ZNF177: variants seen among roughly 807,000 people sequenced by gnomAD.
The protein encoded by ZNF177 is zinc finger protein 177.
In ZNF177, 17 loss-of-function variants were observed where a neutral mutation model predicts 19.4. The ratio of observed to expected loss-of-function variants is 0.87; its 90% confidence interval spans 0.60 to 1.31. The LOEUF (loss-of-function observed/expected upper bound fraction) is 1.31. ZNF177 is among the 40% of genes most tolerant of loss of function. The pLI is 0.00. For synonymous variants in ZNF177, 220 were observed against 188.7 expected (o/e 1.17, Z -1.36); for missense variants, 633 against 561.8 (o/e 1.13, Z -1.28).
At chr19:9,365,451 G>C (rs2067965031) in intron 2 of ZNF177, among the ~76,000 whole-genome samples, 1 of 151,908 alleles carries the variant, frequency 6.6e-6, no homozygotes. Context: ...AGAAGGGCTA[G>C]AGATATGGAG....
At chr19:9,366,006 C>T (rs1403315046) in intron 2 of ZNF177, among the ~76,000 whole-genome samples, 3 of 152,112 alleles carry the variant, frequency 2.0e-5, no homozygotes, top group Non-Finnish European at 4.4e-5. Context: ...AGTCACAGCA[C>T]CAAATCTACC....
At chr19:9,365,880 G>C (rs1024810906) in intron 2 of ZNF177, among the ~76,000 whole-genome samples, 3 of 152,302 alleles carry the variant, frequency 2.0e-5, no homozygotes, top group African/African-American at 7.2e-5. Context: ...TTTAAAATTG[G>C]ATTGATGTTC....
In ZNF177 at chr19:9,379,268, A is replaced by G. The variant is rs577781610; in HGVS notation, c.160+180A>G. ...AAAATGCACTGATTTCATTTTCTCT[A>G]TCACTAATAGCTTAAGGTAATTTGC... On this transcript the variant is annotated intron_variant, in intron 3 of 5. Coordinates refer to ENST00000589262, the Ensembl canonical transcript of ZNF177. 79 of 1,183,722 alleles carry G rather than the reference A, an allele frequency of 6.7e-5. No homozygotes were observed. In the African/African-American group the frequency reaches 9.4e-4, roughly 14 times the overall value. The allele number at this position is 1,183,722 out of a possible 1,614,324, so 73.3% of individuals were successfully genotyped here. A position where few individuals can be genotyped will look rare whatever the true frequency, so the allele number is the denominator to read the frequency against.
chr19:9,376,173 C>T (rs2068106965), upstream of ZNF177: 1 of 152,180 alleles, frequency 6.6e-6, no homozygotes, highest in Admixed American at 6.5e-5. Flanking sequence ...GGGTCTCTGT[C>T]ACCCAGGCTG....
chr19:9,380,965 T>TC lies in ZNF177; in HGVS notation c.636dup (p.Phe213LeufsTer11). On this transcript the variant is annotated frameshift_variant, in exon 6 of 6. Coordinates refer to ENST00000589262, the Ensembl canonical transcript of ZNF177. LOFTEE classifies it low-confidence loss of function (END_TRUNC). ...TCAGGAGTATGAGCAATGTGATATG[T>TC]CCTTCAGCCTACACTCTTCCTGCTC... The TC allele has an allele frequency of 1.3e-6, 2 of 1,540,918 alleles. No individual in the cohort carries two copies. Among genetic ancestry groups the TC allele is most frequent in the Non-Finnish European group, 1.7e-6 (2 of 1,149,134 alleles).
rs754159669 is a variant in ZNF177 at position 9,378,820 on chromosome 19, T to C, written c.34-142T>C. 10 of 1,306,280 alleles carry C rather than the reference T, an allele frequency of 7.7e-6. 1 individual carries two copies. In the Admixed American group the frequency reaches 1.9e-4, roughly 25 times the overall value. The allele number at this position is 1,306,280 out of a possible 1,614,324, so 80.9% of individuals were successfully genotyped here. ...TCTGAGAACTCAGCTTTAAGGCAAATTAAGAGAAGGCCTCTGATGCATGTC... is the reference window on the plus strand; with the variant it reads ...TCTGAGAACTCAGCTTTAAGGCAAACTAAGAGAAGGCCTCTGATGCATGTC... On this transcript the variant is annotated intron_variant, in intron 2 of 5. Coordinates refer to ENST00000589262, the Ensembl canonical transcript of ZNF177.
In ZNF177 at chr19:9,380,208, TCAG is replaced by T. The variant is rs1256134464; in HGVS notation, c.336+72_336+74del. On this transcript the variant is annotated intron_variant, in intron 5 of 5. Coordinates refer to ENST00000589262, the Ensembl canonical transcript of ZNF177. ...CTGGGAATCTGAATGAGTTAAAACA[TCAG>T]CACCCAAAGCAGGGGTAAGAATTCA... is the stretch of plus-strand genomic sequence containing the variant. 13 of 1,505,292 alleles carry T rather than the reference TCAG, an allele frequency of 8.6e-6. No individual in the cohort carries two copies. In the East Asian group the frequency reaches 9.7e-5, roughly 11 times the overall value. 93.2% of individuals were successfully genotyped at this position (1,505,292 alleles called of 1,614,324 possible).
At chr19:9,381,769 C>T (rs755983136) in exon 6 of ZNF177, 1 of 1,595,430 alleles carries the variant, frequency 6.3e-7, no homozygotes, top group South Asian at 1.1e-5. Flanking sequence ...CCAGAAACTC[C>T]ATGAATGAAA....
At chr19:9,377,524 T>TA (rs1453255396) in intron 1 of ZNF177, among the ~76,000 whole-genome samples, 1 of 152,200 alleles carries the variant, frequency 6.6e-6, no homozygotes, top group Non-Finnish European at 1.5e-5. Flanking sequence ...CAGACAGTGA[T>TA]ACTCAAGATC....
intron 5 of ZNF177, among the ~76,000 whole-genome samples, 177 bp downstream of exon 7, chr19:9,380,316 T>C (rs887964424): frequency 6.6e-6 from 1 of 151,920 alleles, no homozygotes; most frequent in Non-Finnish European, 1.5e-5. Context: ...TCTGTAAACC[T>C]AGGTTAACAC....
At position 9,381,122 on chromosome 19, in the gene ZNF177, C is replaced by T. The variant is rs200285292; in HGVS notation, c.791C>T (p.Thr264Ile). 74 of 1,613,900 alleles carry T rather than the reference C, an allele frequency of 4.6e-5. 1 individual carries two copies. In the Admixed American group the frequency reaches 7.8e-4, roughly 17 times the overall value. The change falls in exon 6 of 6, where the codon ACT becomes ATT. Residue 264 changes from threonine to isoleucine, a missense_variant. By Grantham distance (89) the Thr-to-Ile change is moderately conservative. Coordinates refer to ENST00000589262, the Ensembl canonical transcript of ZNF177. The stretch of plus-strand genomic sequence containing the variant: ...TTGGAATGTAATGAACATGAGAAAA[C>T]TTTCACTGACCCTTTGTCCCTTCAG...
intron 1 of ZNF177, among the ~76,000 whole-genome samples, chr19:9,364,014 T>A (rs2067943563): frequency 6.6e-6 from 1 of 152,202 alleles, no homozygotes; most frequent in Non-Finnish European, 1.5e-5. Flanking sequence ...AAATCATATA[T>A]TTCATCTCAT....
rs1017422790 is a variant in ZNF177, at chr19:9,378,124, T to C, written c.-53-135T>C. The C allele has an allele frequency of 1.6e-5, 12 of 727,356 alleles. 1 individual carries two copies. The South Asian group carries it at 3.0e-4, about 18-fold the overall frequency. The allele number at this position is 727,356 out of a possible 1,614,324, so 45.1% of individuals were successfully genotyped here. A position where few individuals can be genotyped will look rare whatever the true frequency, so the allele number is the denominator to read the frequency against. On this transcript the variant is annotated intron_variant, in intron 1 of 5. Transcript: ENST00000589262. ...TTTCTAATTTGAGGATATACTGTGT[T>C]CTTGGATAAGGAGGCAAATTGTAAC...
upstream of ZNF177, among the ~76,000 whole-genome samples, chr19:9,373,665 G>C (rs190035321): frequency 3.0e-3 from 463 of 152,172 alleles, 5 homozygotes; most frequent in African/African-American, 0.011. Flanking sequence ...AGCCAACTAT[G>C]GTTTTGATTG....
chr19:9,374,270 C>T (rs2068082988), upstream of ZNF177, among the ~76,000 whole-genome samples: 1 of 152,212 alleles, frequency 6.6e-6, no homozygotes, highest in South Asian at 2.1e-4. Flanking sequence ...GTTTTTATGC[C>T]AGTACCATAC....
intron 2 of ZNF177, among the ~76,000 whole-genome samples, chr19:9,366,150 T>C (rs1003251670): frequency 6.6e-6 from 1 of 152,052 alleles, no homozygotes; most frequent in Non-Finnish European, 1.5e-5. Flanking sequence ...ACCCGGCTAA[T>C]TTTTGTATTT....
downstream of ZNF177, chr19:9,382,263 C>T: frequency 2.5e-6 from 1 of 399,296 alleles, no homozygotes; most frequent in East Asian, 3.6e-5. Flanking sequence ...ACATCCCTAG[C>T]CCATGCAAAG....
intron 1 of ZNF177, among the ~76,000 whole-genome samples, chr19:9,363,656 G>T (rs1426286409): frequency 1.3e-5 from 2 of 152,214 alleles, no homozygotes; most frequent in Admixed American, 6.5e-5. Flanking sequence ...GGTATGACCA[G>T]ATCCCCCTCT....
At chr19:9,382,019 A>G (rs2068211075) in exon 6 of ZNF177, 1 of 574,764 alleles carries the variant, frequency 1.7e-6, no homozygotes, top group South Asian at 3.4e-5. Context: ...TTTCAGTTTA[A>G]TTGCATTGTG....
Sources: gnomAD v4.1 joint callset for allele counts (sites outside exome capture counted in the v4.1 genomes callset) on GRCh38, gnomAD v4.1.1 for gene constraint, MANE v1.5 for transcripts, NCBI Gene and HGNC (gene_info 2026-07-23, HGNC 2026-07-21) for gene names.